Variants in TICRR observed in about 807,000 individuals in gnomAD.
The protein encoded by TICRR is treslin.
A neutral mutation model predicts 178.1 loss-of-function variants in TICRR; 132 were observed. That is an observed-to-expected ratio of 0.74 (90% confidence interval 0.64 to 0.86). The LOEUF is 0.86. TICRR is among the 40% of genes least tolerant of loss of function. TICRR has a pLI of 0.00. For synonymous variants in TICRR, 991 were observed against 900.7 expected, an observed-to-expected ratio of 1.10 and a Z score of -1.79; for missense variants, 2,587 against 2,334.3, an observed-to-expected ratio of 1.11 and a Z score of -2.23.
intron 18 of TICRR, among the ~76,000 whole-genome samples, chr15:89,620,550 T>G (rs755475825): frequency 1.3e-5 from 2 of 152,134 alleles, no homozygotes; most frequent in Non-Finnish European, 2.9e-5. Flanking sequence ...AGTTCAGTTG[T>G]CTACATTTTC....
chr15:89,577,599 CTTTTTTTTTTTTTTTT>C (rs71151513), intron 1 of TICRR, among the ~76,000 whole-genome samples: 6 of 60,858 alleles, frequency 9.9e-5, no homozygotes, highest in Non-Finnish European at 1.6e-4. Context: ...GAGGGAAGGC[CTTTTTTTTTTTTTTTT>C]TTTTTTTTTT....
rs1430078426 is a variant in TICRR at position 89,623,666 on chromosome 15, C to T, written c.3356C>T (p.Thr1119Ile). The T allele has an allele frequency of 1.2e-6, 2 of 1,611,358 alleles. No individual in the cohort carries two copies. Among genetic ancestry groups the T allele is most frequent in the East Asian group, 2.2e-5 (1 of 44,872 alleles). ...SHQKSLSFSK[T>I]TPRRISHTPQ... The stretch of plus-strand genomic sequence containing the variant: ...CAGAAATCTCTGAGCTTTTCTAAAA[C>T]TACACCAAGAAGGATCTCTCATACA... The change falls in exon 20 of 22, where the codon ACT becomes ATT. Residue 1119 changes from threonine to isoleucine, a missense_variant. Transcript: ENST00000268138.
At chr15:89,599,874 AG>A (rs1406316016) in intron 8 of TICRR, among the ~76,000 whole-genome samples, 1 of 152,166 alleles carries the variant, frequency 6.6e-6, no homozygotes, top group Admixed American at 6.5e-5. Context: ...TTGGGAGGCC[AG>A]GGTGGGTGGA....
intron 4 of TICRR, chr15:89,591,695 T>C (rs1962915152): frequency 6.4e-6 from 1 of 155,300 alleles, no homozygotes; most frequent in Non-Finnish European, 1.4e-5. Flanking sequence ...ATCGTGCTGT[T>C]GCACTCCAGC....
At chr15:89,601,706 CTG>C (rs771568826) in intron 11 of TICRR, 29 bp from the exon 12 acceptor site, 38 of 1,613,580 alleles carry the variant, frequency 2.4e-5, no homozygotes, top group Non-Finnish European at 7.6e-6. Context: ...AAGATGGTAA[CTG>C]TTCCGTATTC....
At chr15:89,587,842 A>AAT (rs1325690681) in intron 4 of TICRR, among the ~76,000 whole-genome samples, 1 of 152,246 alleles carries the variant, frequency 6.6e-6, no homozygotes, top group African/African-American at 2.4e-5. Flanking sequence ...AAAAGATATT[A>AAT]GAGTAATGAA....
chr15:89,602,769 T>A (rs1370704658), intron 12 of TICRR, 27 bp from the exon 13 acceptor site: 1 of 1,161,018 alleles, frequency 8.6e-7, no homozygotes, highest in Non-Finnish European at 1.2e-6. Context: ...CTATCTAGTA[T>A]GTATTAACTA....
rs530418213 is a variant in TICRR at position 89,624,358 on chromosome 15, G to A, written c.4048G>A (p.Ala1350Thr). ...AGAGCCCCAGATGTCACCCAGCGTA[G>A]CTGCATCTCTCTCCTGCCCTGTTCC... Reference protein sequence around the residue: ...QKEPQMSPSVAASLSCPVPST... With the variant: ...QKEPQMSPSVTASLSCPVPST... Residue 1350 changes from alanine to threonine, a missense_variant, in exon 20 of 22, where the codon GCT becomes ACT. Ala to Thr is a moderately conservative substitution (Grantham distance 58, BLOSUM62 0). Transcript: ENST00000268138. 1 of 1,614,140 alleles carries A rather than the reference G, an allele frequency of 6.2e-7. No individual in the cohort carries two copies. The highest frequency in any genetic ancestry group is 1.3e-5 in the African/African-American group (1 of 75,054).
At position 89,618,177 on chromosome 15, in the gene TICRR, G is replaced by A; in HGVS notation, c.2986G>A (p.Gly996Ser). 1 of 1,614,098 alleles carries A rather than the reference G, an allele frequency of 6.2e-7. No individual in the cohort carries two copies. Among genetic ancestry groups the A allele is most frequent in the Non-Finnish European group, 8.5e-7 (1 of 1,180,026 alleles). ...GRSSDPGPDI[G>S]VVEESPEKGD... ...GTCCTCTGATCCTGGTCCTGATATTGGTGTTGTTGAAGAGTCCCCTGAAAA... is the reference window on the plus strand; with the variant it reads ...GTCCTCTGATCCTGGTCCTGATATTAGTGTTGTTGAAGAGTCCCCTGAAAA... The change falls in exon 17 of 22, where the codon GGT (glycine) becomes AGT (serine). Residue 996 changes from glycine (G) to serine (S), a missense_variant. Transcript: ENST00000268138.
At position 89,584,282 on chromosome 15, in the gene TICRR, C is replaced by A; in HGVS notation, c.935-4C>A. On this transcript the variant is annotated splice_polypyrimidine_tract_variant and splice_region_variant and intron_variant, in intron 2 of 21. Transcript: ENST00000268138. ...ATCCTGGTCTAATTAATCTTTATTT[C>A]TAGCAGGCAAAGAGATTCAAGAAAC... is the stretch of plus-strand genomic sequence containing the variant. The A allele has an allele frequency of 6.3e-7, 1 of 1,584,786 alleles. No individual in the cohort carries two copies. Among genetic ancestry groups the A allele is most frequent in the South Asian group, 1.2e-5 (1 of 86,032 alleles).
rs1365306882 is a variant in TICRR, at chr15:89,584,927, CTA to C, written c.1176+405_1176+406del. ...ATGTAATAGTATAATAGTTGTGTAA[CTA>C]TATACAATGTAATATAATTGTCTGT... is the stretch of plus-strand genomic sequence containing the variant. On this transcript the variant is annotated intron_variant, in intron 3 of 21. Transcript: ENST00000268138. Among the ~76,000 whole-genome samples the C allele has an allele frequency of 2.0e-5, 3 of 152,094 alleles. No homozygotes were observed. In the East Asian group the frequency reaches 5.8e-4, roughly 29 times the overall value.
chr15:89,587,124 G>A (rs187155159), intron 4 of TICRR, among the ~76,000 whole-genome samples: 3 of 152,300 alleles, frequency 2.0e-5, no homozygotes, highest in East Asian at 3.9e-4. Context: ...TTTGCTGTTA[G>A]ATTAAATGTG....
At chr15:89,585,514 T>C (rs1313757295) in intron 3 of TICRR, among the ~76,000 whole-genome samples, 194 bp from the exon 4 acceptor site, 1 of 152,080 alleles carries the variant, frequency 6.6e-6, no homozygotes, top group Non-Finnish European at 1.5e-5. Flanking sequence ...GTTTTACTTA[T>C]TTGTAAGTAG....
chr15:89,575,537 G>C lies in TICRR; in HGVS notation c.-50G>C, dbSNP rs1411396647. The C allele has an allele frequency of 6.9e-7, 1 of 1,439,676 alleles. No homozygotes were observed. The allele number at this position is 1,439,676 out of a possible 1,614,324, so 89.2% of individuals were successfully genotyped here. On this transcript the variant is annotated 5_prime_UTR_variant, in exon 1 of 22. Coordinates refer to ENST00000268138, the MANE Select transcript of TICRR (RefSeq NM_152259.4). ...GTTTCCCTGAAGGAAGGGACTAAGG[G>C]ACGGTGGCGCGGGCCCGGACCGGGG...
chr15:89,582,729 A>G lies in TICRR; in HGVS notation c.698A>G (p.Glu233Gly). 6.2e-7 allele frequency: 1 copy of G among 1,614,134 alleles called. No homozygotes were observed. Reference protein sequence around the residue: ...PDHLGYWTVCELLHHGGGTVL... With the variant: ...PDHLGYWTVCGLLHHGGGTVL... ...CACCTTGGATACTGGACTGTTTGTG[A>G]ACTGCTCCACCACGGAGGTGGCACT... Residue 233 changes from glutamate to glycine, a missense_variant, in exon 2 of 22, where the codon GAA (glutamate) becomes GGA (glycine). Coordinates refer to ENST00000268138, the MANE Select transcript of TICRR (RefSeq NM_152259.4).
At chr15:89,588,796 G>A (rs1255217275) in intron 4 of TICRR, among the ~76,000 whole-genome samples, 1 of 152,170 alleles carries the variant, frequency 6.6e-6, no homozygotes, top group Non-Finnish European at 1.5e-5. Flanking sequence ...ACGGTGGTGA[G>A]TCGGGAGCTA....
At chr15:89,600,734 A>T in intron 9 of TICRR, 49 bp downstream of exon 9, 1 of 883,736 alleles carries the variant, frequency 1.1e-6, no homozygotes, top group Non-Finnish European at 1.8e-6. Flanking sequence ...AAGCTGTGAG[A>T]TTAGCTCGTA....
intron 1 of TICRR, among the ~76,000 whole-genome samples, chr15:89,581,976 C>T (rs1485452687): frequency 6.6e-6 from 1 of 152,036 alleles, no homozygotes; most frequent in Non-Finnish European, 1.5e-5. Flanking sequence ...GTGCTCCTGC[C>T]TCACTCCCAT....
rs1320741780 is a variant in TICRR, at chr15:89,595,375, C to T, written c.1682-18C>T. 2 of 1,586,748 alleles carry T rather than the reference C, an allele frequency of 1.3e-6. No homozygotes were observed. The highest frequency in any genetic ancestry group is 1.3e-5 in the African/African-American group (1 of 74,618). On this transcript the variant is annotated intron_variant, in intron 6 of 21. Coordinates refer to ENST00000268138, the MANE Select transcript of TICRR (RefSeq NM_152259.4). ...TGGAAGGCAATTTACTTTCCCTCCTCTGATGTTGTTTTGGTAGGAGGGGTC... is the reference window on the plus strand; with the variant it reads ...TGGAAGGCAATTTACTTTCCCTCCTTTGATGTTGTTTTGGTAGGAGGGGTC...
Sources: gnomAD v4.1 joint callset for allele counts (sites outside exome capture counted in the v4.1 genomes callset) on GRCh38, gnomAD v4.1.1 for gene constraint, MANE v1.5 for transcripts, NCBI Gene and HGNC (gene_info 2026-07-23, HGNC 2026-07-21) for gene names.